The following KSR2 variants were observed in gnomAD, a reference collection of about 807,000 sequenced individuals.
The protein encoded by KSR2 is kinase suppressor of ras 2.
A neutral mutation model predicts 107.8 loss-of-function variants in KSR2; 25 were observed. The observed-to-expected ratio is 0.23, with a 90% CI of 0.17 to 0.32. The LOEUF (loss-of-function observed/expected upper bound fraction) is 0.32, where lower values mean the gene tolerates loss of function less well. Among genes scored for constraint, KSR2 ranks in the 10% least tolerant of loss-of-function variants. KSR2 has a pLI of 1.00. For synonymous variants in KSR2, 480 were observed against 507.0 expected, an observed-to-expected ratio of 0.95 and a Z score of 0.71; for missense variants, 887 against 1,268.9, an observed-to-expected ratio of 0.70 and a Z score of 4.57.
At chr12:117,927,710 A>T (rs1441650532) in intron 1 of KSR2, among the ~76,000 whole-genome samples, 1 of 152,122 alleles carries the variant, frequency 6.6e-6, no homozygotes, top group Non-Finnish European at 1.5e-5. Context: ...GGAAAAAAAA[A>T]GGAACCAGGC....
chr12:117,659,036 AGAAATCAACTGATGTTTT>A (rs1339694222), intron 5 of KSR2, among the ~76,000 whole-genome samples: 5 of 152,182 alleles, frequency 3.3e-5, no homozygotes, highest in Non-Finnish European at 7.3e-5. Flanking sequence ...TATCGCAGAT[AGAAATCAACTGATGTTTT>A]GAAATCAGCT....
intron 4 of KSR2, among the ~76,000 whole-genome samples, chr12:117,757,356 A>G (rs1344719438): frequency 6.6e-6 from 1 of 152,268 alleles, no homozygotes; most frequent in African/African-American, 2.4e-5. Flanking sequence ...ATGAGCAAGG[A>G]AAGTGGTTTC....
intron 4 of KSR2, among the ~76,000 whole-genome samples, chr12:117,712,909 T>C (rs187067169): frequency 6.6e-6 from 1 of 152,154 alleles, no homozygotes; most frequent in East Asian, 1.9e-4. Context: ...GAGCTATATC[T>C]TTAGACAGAA....
At chr12:117,635,281 C>T (rs10850864) in intron 5 of KSR2, among the ~76,000 whole-genome samples, 25,091 of 152,062 alleles carry the variant, frequency 0.17, 2,154 homozygotes, top group Middle Eastern at 0.24. Context: ...AAGAAACACC[C>T]TATATTTTAA....
intron 4 of KSR2, among the ~76,000 whole-genome samples, chr12:117,713,993 C>A (rs1376673098): frequency 2.6e-5 from 4 of 152,034 alleles, no homozygotes; most frequent in African/African-American, 9.7e-5. Context: ...TATATTTCAT[C>A]CTTTTCTCAT....
chr12:117,588,753 G>C (rs370259347), intron 5 of KSR2, among the ~76,000 whole-genome samples: 2 of 152,336 alleles, frequency 1.3e-5, no homozygotes, highest in African/African-American at 4.8e-5. Flanking sequence ...AGGTAGATGT[G>C]GGATGTGACC....
At chr12:117,471,163 C>T (rs1181743787) in intron 18 of KSR2, 28 bp downstream of exon 18, 1 of 1,611,666 alleles carries the variant, frequency 6.2e-7, no homozygotes, top group Admixed American at 1.7e-5. Context: ...CCCTCATCCC[C>T]CAAGTCTGGA....
intron 19 of KSR2, among the ~76,000 whole-genome samples, chr12:117,468,746 G>C (rs1487481656): frequency 6.6e-6 from 1 of 152,202 alleles, no homozygotes; most frequent in Non-Finnish European, 1.5e-5. Flanking sequence ...TTGTGTACCT[G>C]TGTGTGTATG....
In KSR2 at chr12:117,838,748, GTTC is replaced by G. The variant is rs201943516; in HGVS notation, c.472+16677_472+16679del. ...ATTTATTGCCCTCCTCCAAAAGGAAGTTCTTCTTTACATCAGACCAAAATCTCC... is the reference window on the plus strand; with the variant it reads ...ATTTATTGCCCTCCTCCAAAAGGAAGTTCTTTACATCAGACCAAAATCTCC... On this transcript the variant is annotated intron_variant, in intron 3 of 19. Transcript: ENST00000339824. Among the ~76,000 whole-genome samples, 1,121 of 152,324 alleles carry G rather than the reference GTTC, an allele frequency of 7.4e-3. 11 individuals carry two copies. Among genetic ancestry groups the G allele is most frequent in the South Asian group, 0.027 (132 of 4,832 alleles).
At chr12:117,721,258 G>A (rs894016644) in intron 4 of KSR2, among the ~76,000 whole-genome samples, 5 of 152,048 alleles carry the variant, frequency 3.3e-5, no homozygotes, top group African/African-American at 9.7e-5. Context: ...GCAACATTAT[G>A]TGCCCATCTA....
intron 18 of KSR2, 142 bp from the exon 19 acceptor site, chr12:117,469,937 C>T: frequency 1.3e-6 from 1 of 749,544 alleles, no homozygotes; most frequent in Middle Eastern, 3.0e-4. Context: ...ATCCATCCAT[C>T]CATCCACCCA....
chr12:117,722,296 G>A lies in KSR2; in HGVS notation c.986+38715C>T, dbSNP rs566009041. 5.3e-5 allele frequency among the ~76,000 whole-genome samples: 8 copies of A among 152,292 alleles called. No individual in the cohort carries two copies. The South Asian group carries it at 1.7e-3, about 32-fold the overall frequency. On this transcript the variant is annotated intron_variant, in intron 4 of 19. Transcript: ENST00000339824. ...GATGACCTACATCCAAACAGCTTGA[G>A]GATATCAGATGTGTGTGAATCAGAG...
chr12:117,561,190 T>A (rs186202050), intron 7 of KSR2, among the ~76,000 whole-genome samples: 1 of 152,200 alleles, frequency 6.6e-6, no homozygotes, highest in Non-Finnish European at 1.5e-5. Flanking sequence ...TGACAGAGTG[T>A]TAGACAAATG....
chr12:117,467,921 T>TG, intron 19 of KSR2: 2 of 52,630 alleles, frequency 3.8e-5, no homozygotes, highest in Admixed American at 4.3e-4. Context: ...AGTCCTGTGT[T>TG]TTTTTTTTTT....
chr12:117,914,498 C>T (rs1355562747), intron 1 of KSR2, among the ~76,000 whole-genome samples: 1 of 151,690 alleles, frequency 6.6e-6, no homozygotes, highest in Admixed American at 6.6e-5. Flanking sequence ...CAGCATAGCA[C>T]TTAGTGTTTG....
intron 3 of KSR2, among the ~76,000 whole-genome samples, chr12:117,807,867 G>A (rs1318087981): frequency 6.6e-6 from 1 of 152,194 alleles, no homozygotes; most frequent in East Asian, 1.9e-4. Context: ...CTCTTTCAGT[G>A]TTTGCCTCAA....
intron 3 of KSR2, among the ~76,000 whole-genome samples, chr12:117,790,188 C>T (rs953996625): frequency 4.6e-5 from 7 of 152,170 alleles, no homozygotes; most frequent in Admixed American, 2.0e-4. Context: ...AGGTTAAGGA[C>T]GTGCCTGTGA....
At chr12:117,950,253 C>A (rs111838867) in intron 1 of KSR2, among the ~76,000 whole-genome samples, 25 of 151,884 alleles carry the variant, frequency 1.6e-4, no homozygotes, top group Admixed American at 3.3e-4. Flanking sequence ...GGATTACAGG[C>A]GTGAGCTACT....
At chr12:117,630,401 G>A (rs1593069729) in intron 5 of KSR2, among the ~76,000 whole-genome samples, 1 of 152,152 alleles carries the variant, frequency 6.6e-6, no homozygotes, top group East Asian at 1.9e-4. Context: ...GTGCACATGT[G>A]TGTGCATGTG....
Sources: gnomAD v4.1 joint callset for allele counts (sites outside exome capture counted in the v4.1 genomes callset) on GRCh38, gnomAD v4.1.1 for gene constraint, MANE v1.5 for transcripts, NCBI Gene and HGNC (gene_info 2026-07-23, HGNC 2026-07-21) for gene names.